THSD7A: variants seen among roughly 807,000 people sequenced by gnomAD.
THSD7A encodes the protein thrombospondin type 1 domain containing 7A, also known as thrombospondin type-1 domain-containing protein 7A.
Under a neutral mutation model 231.3 loss-of-function variants are expected in THSD7A, and 96 were observed. The observed-to-expected ratio is 0.41, with a 90% CI of 0.35 to 0.49. The LOEUF is 0.49. Among genes scored for constraint, THSD7A ranks in the 20% least tolerant of loss-of-function variants. The probability of loss-of-function intolerance (pLI) is 0.05; values close to 1 mark genes in which losing one functional copy is unlikely to be tolerated. For synonymous variants in THSD7A, 940 were observed against 743.3 expected (o/e 1.26, Z -4.30); for missense variants, 2,290 against 2,070.2 (o/e 1.11, Z -2.06).
At chr7:11,795,130 C>A (rs963129635) in intron 1 of THSD7A, among the ~76,000 whole-genome samples, 1 of 151,280 alleles carries the variant, frequency 6.6e-6, no homozygotes, top group Non-Finnish European at 1.5e-5. Context: ...TGTCTTTAAC[C>A]GAGTTTTATA....
intron 1 of THSD7A, among the ~76,000 whole-genome samples, chr7:11,763,989 T>C (rs1424020213): frequency 6.6e-6 from 1 of 152,220 alleles, no homozygotes; most frequent in Non-Finnish European, 1.5e-5. Flanking sequence ...TGATCAGCTA[T>C]CCATTATATT....
At chr7:11,822,827 A>G (rs753016940) in intron 1 of THSD7A, among the ~76,000 whole-genome samples, 7 of 152,024 alleles carry the variant, frequency 4.6e-5, no homozygotes, top group Non-Finnish European at 8.8e-5. Context: ...AGTATATTAC[A>G]ATATCTAGTA....
At chr7:11,607,027 A>G (rs1449038359) in intron 2 of THSD7A, among the ~76,000 whole-genome samples, 1 of 151,718 alleles carries the variant, frequency 6.6e-6, no homozygotes, top group Non-Finnish European at 1.5e-5. Context: ...ATATATATAT[A>G]AAAGAAAAAG....
intron 1 of THSD7A, among the ~76,000 whole-genome samples, chr7:11,660,120 AAT>A (rs1782872297): frequency 6.6e-6 from 1 of 151,616 alleles, no homozygotes; most frequent in African/African-American, 2.4e-5. Context: ...GTAAAGAATT[AAT>A]ATAGCAAGAA....
chr7:11,646,417 T>C (rs1782283866), intron 1 of THSD7A, among the ~76,000 whole-genome samples: 1 of 152,070 alleles, frequency 6.6e-6, no homozygotes, highest in Non-Finnish European at 1.5e-5. Flanking sequence ...ACATGACAAG[T>C]CTTCAGAGGC....
At position 11,474,373 on chromosome 7, in the gene THSD7A, A is replaced by G; in HGVS notation, c.2213T>C (p.Ile738Thr). 1 of 1,613,444 alleles carries G rather than the reference A, an allele frequency of 6.2e-7. No individual in the cohort carries two copies. The highest frequency in any genetic ancestry group is 1.7e-4 in the Middle Eastern group (1 of 6,056). Residue 738 changes from isoleucine to threonine, a missense_variant, in exon 8 of 28, where the codon ATC (isoleucine) becomes ACC (threonine). Coordinates refer to ENST00000423059, the MANE Select transcript of THSD7A (RefSeq NM_015204.3). This position sits in a 1 kb window ranked among gnomAD's most constrained non-coding sequence, Gnocchi z 4.1. ...CSVGMQTRKV[I>T]CVRVNVGQVG... Reference sequence around the variant, plus strand: ...TTGGCCCACATTGACTCGCACACAGATGACTTTTCTTGTCTGCATGCCGAC... The same window carrying G: ...TTGGCCCACATTGACTCGCACACAGGTGACTTTTCTTGTCTGCATGCCGAC...
chr7:11,682,644 C>A (rs1783912639), intron 1 of THSD7A, among the ~76,000 whole-genome samples: 1 of 152,032 alleles, frequency 6.6e-6, no homozygotes, highest in Admixed American at 6.6e-5. Flanking sequence ...CATAGACATT[C>A]ACACAGTAAT....
chr7:11,705,796 A>AT (rs1205614453), intron 1 of THSD7A, among the ~76,000 whole-genome samples: 2 of 151,082 alleles, frequency 1.3e-5, no homozygotes, highest in East Asian at 3.9e-4. Flanking sequence ...GATTGCCAAA[A>AT]TCTTTCATGT....
Position 11,406,219 on chromosome 7 carries a change from T to G in THSD7A, c.4237+81A>C. On this transcript the variant is annotated intron_variant, in intron 22 of 27. Coordinates refer to ENST00000423059, the MANE Select transcript of THSD7A (RefSeq NM_015204.3). The surrounding 1 kb of genome is among the most constrained non-coding windows in gnomAD (Gnocchi z 4.7). The stretch of plus-strand genomic sequence containing the variant: ...AGAAGACTGTTGACATCCTGTAACT[T>G]ATACTTTATATGCAACCCCTTCACG... 1 of 1,388,218 alleles carries G rather than the reference T, an allele frequency of 7.2e-7. No homozygotes were observed. Among genetic ancestry groups the G allele is most frequent in the South Asian group, 1.4e-5 (1 of 72,004 alleles). 86.0% of individuals were successfully genotyped at this position (1,388,218 alleles called of 1,614,324 possible). A position where few individuals can be genotyped will look rare whatever the true frequency, so the allele number is the denominator to read the frequency against.
chr7:11,729,674 A>G (rs1370687861), intron 1 of THSD7A, among the ~76,000 whole-genome samples: 1 of 151,748 alleles, frequency 6.6e-6, no homozygotes, highest in Non-Finnish European at 1.5e-5. Context: ...TAAAGATCTA[A>G]AGATTGAACT....
chr7:11,444,766 G>A lies in THSD7A; in HGVS notation c.3064+1295C>T, dbSNP rs1483802223. Among the ~76,000 whole-genome samples the A allele has an allele frequency of 2.0e-5, 3 of 147,224 alleles. No individual in the cohort carries two copies. The highest frequency in any genetic ancestry group is 3.0e-5 in the Non-Finnish European group (2 of 67,436). ...AAAGTATAACAAAAAAAAAGAGAGG[G>A]GGCACAGTTGTCTGCTCTGTGTGTG... On this transcript the variant is annotated intron_variant, in intron 13 of 27. Coordinates refer to ENST00000423059, the MANE Select transcript of THSD7A (RefSeq NM_015204.3). The surrounding 1 kb of genome is among the most constrained non-coding windows in gnomAD (Gnocchi z 4.2).
intron 23 of THSD7A, among the ~76,000 whole-genome samples, chr7:11,383,619 AT>A (rs920926998): frequency 6.6e-6 from 1 of 151,764 alleles, no homozygotes; most frequent in African/African-American, 2.4e-5. Flanking sequence ...CCAGATTTTA[AT>A]TTTTTTTGGT....
chr7:11,674,793 C>G (rs1271750723), intron 1 of THSD7A, among the ~76,000 whole-genome samples: 1 of 152,100 alleles, frequency 6.6e-6, no homozygotes, highest in African/African-American at 2.4e-5. Flanking sequence ...CACTAGAACC[C>G]TAGCAATGGA....
At chr7:11,824,505 T>C (rs988214002) in intron 1 of THSD7A, among the ~76,000 whole-genome samples, 3 of 152,136 alleles carry the variant, frequency 2.0e-5, no homozygotes, top group African/African-American at 7.2e-5. Context: ...CATCCTATTG[T>C]ACTCTTAATC....
At chr7:11,552,361 TA>T (rs1189030846) in intron 4 of THSD7A, among the ~76,000 whole-genome samples, 1 of 151,944 alleles carries the variant, frequency 6.6e-6, no homozygotes, top group African/African-American at 2.4e-5. Context: ...TTTAAACAAG[TA>T]AAAAAAGGAA....
intron 4 of THSD7A, among the ~76,000 whole-genome samples, chr7:11,571,637 C>T (rs1562731205): frequency 2.6e-5 from 4 of 152,176 alleles, no homozygotes; most frequent in Admixed American, 1.3e-4. Context: ...TCTCAGTTAC[C>T]ATTTCTCTGA....
chr7:11,600,683 G>C (rs1158221042), intron 2 of THSD7A, among the ~76,000 whole-genome samples: 1 of 152,310 alleles, frequency 6.6e-6, no homozygotes, highest in East Asian at 1.9e-4. Context: ...GAGCCATCTG[G>C]TCCAATGGGA....
intron 1 of THSD7A, among the ~76,000 whole-genome samples, chr7:11,812,115 G>GTA (rs1784545985): frequency 7.1e-6 from 1 of 140,436 alleles, no homozygotes; most frequent in African/African-American, 2.9e-5. Context: ...TTGTGTGTGT[G>GTA]TGTGTGTGTG....
intron 19 of THSD7A, among the ~76,000 whole-genome samples, chr7:11,408,825 T>C (rs1783678580): frequency 6.6e-6 from 1 of 152,148 alleles, no homozygotes; most frequent in Admixed American, 6.5e-5. Context: ...AGCTGAGTAT[T>C]TGGTATGAAA....
Sources: gnomAD v4.1 joint callset for allele counts (sites outside exome capture counted in the v4.1 genomes callset) on GRCh38, gnomAD v4.1.1 for gene constraint, Gnocchi (gnomAD v3.1) non-coding constraint, MANE v1.5 for transcripts, NCBI Gene and HGNC (gene_info 2026-07-23, HGNC 2026-07-21) for gene names.